Variants in POR observed in about 807,000 individuals in gnomAD.
The protein encoded by POR is cytochrome p450 oxidoreductase.
A neutral mutation model predicts 84.0 loss-of-function variants in POR; 56 were observed. The observed-to-expected ratio is 0.67, with a 90% confidence interval of 0.54 to 0.83. The LOEUF (loss-of-function observed/expected upper bound fraction) is 0.83, where lower values mean the gene tolerates loss of function less well. POR is among the 40% of genes least tolerant of loss of function. The pLI is 0.00. For synonymous variants in POR, 414 were observed against 400.5 expected (o/e 1.03, Z -0.40); for missense variants, 938 against 944.3 (o/e 0.99, Z 0.09).
intron 3 of POR, 116 bp from the exon 4 acceptor site, chr7:75,979,335 G>A: frequency 7.8e-7 from 1 of 1,276,972 alleles, no homozygotes; most frequent in Non-Finnish European, 1.1e-6. Flanking sequence ...CTCAAAGCCA[G>A]GAAGGAAAGG....
intron 4 of POR, 131 bp downstream of exon 4, chr7:75,979,710 C>T: frequency 7.5e-7 from 1 of 1,331,878 alleles, no homozygotes; most frequent in Non-Finnish European, 1.0e-6. Flanking sequence ...CGGAAGTTGC[C>T]TTCCCGTGAG....
Position 75,982,306 on chromosome 7 carries a change from T to C in POR, c.814T>C (p.Tyr272His). 6.2e-7 allele frequency: 1 copy of C among 1,611,904 alleles called. No homozygotes were observed. The highest frequency in any genetic ancestry group is 8.5e-7 in the Non-Finnish European group (1 of 1,179,178). ...GGGGGAGATGGGCCGGCTGAAGAGC[T>C]ACGAGAACCAGAAGCCGTGAGTGGA... The change falls in exon 8 of 16, where the codon TAC becomes CAC. Residue 272 changes from tyrosine to histidine, a missense_variant. Physicochemically the swap from Tyr to His is moderately conservative, Grantham distance 83. Transcript: ENST00000461988.
At chr7:75,923,481 T>A (rs1806971226) in intron 1 of POR, 1 of 511,530 alleles carries the variant, frequency 2.0e-6, no homozygotes, top group Admixed American at 3.3e-5. Flanking sequence ...TTTTTATCAA[T>A]GAACTGGAAG....
chr7:75,970,373 T>A (rs536795097), intron 2 of POR, among the ~76,000 whole-genome samples: 1 of 151,690 alleles, frequency 6.6e-6, no homozygotes, highest in South Asian at 2.1e-4. Flanking sequence ...TGAGCTATGA[T>A]CGCACCGCAC....
chr7:75,921,935 GGCCTTAAGTGGTCCACCCAGCTCA>G (rs1233407020), intron 1 of POR, among the ~76,000 whole-genome samples: 2 of 152,096 alleles, frequency 1.3e-5, no homozygotes, highest in Admixed American at 1.3e-4. Context: ...TCGAACTCCT[GGCCTTAAGTGGTCCACCCAGCTCA>G]GCCTCCCAAA....
At chr7:75,926,521 T>C (rs1807136330) in intron 1 of POR, among the ~76,000 whole-genome samples, 1 of 152,008 alleles carries the variant, frequency 6.6e-6, no homozygotes, top group South Asian at 2.1e-4. Flanking sequence ...GCTGGCCAGG[T>C]GTGGTGGCTC....
intron 1 of POR, among the ~76,000 whole-genome samples, chr7:75,920,209 G>T (rs1368834929): frequency 4.6e-5 from 7 of 151,854 alleles, no homozygotes; most frequent in Non-Finnish European, 7.4e-5. Context: ...GGGATTACAG[G>T]CGCGTGCCAT....
At chr7:75,923,810 C>T (rs1806985289) in intron 1 of POR, among the ~76,000 whole-genome samples, 1 of 151,950 alleles carries the variant, frequency 6.6e-6, no homozygotes, top group Admixed American at 6.6e-5. Context: ...ATCGCTTGAA[C>T]CCGGGAGGCG....
At chr7:75,952,288 T>C (rs1787470268) in intron 1 of POR, among the ~76,000 whole-genome samples, 5 of 129,710 alleles carry the variant, frequency 3.9e-5, no homozygotes. Context: ...GGCGGGGGGC[T>C]GACCCCCCCA....
intron 7 of POR, 27 bp from the exon 8 acceptor site, chr7:75,982,197 G>A (rs989034527): frequency 8.2e-6 from 13 of 1,583,296 alleles, no homozygotes; most frequent in Non-Finnish European, 1.1e-5. Context: ...CCGCTTCCCG[G>A]CCTCACCCTT....
Position 75,930,183 on chromosome 7 carries a change from C to T in POR, c.-5+15004C>T, listed in dbSNP as rs148670376. 8.5e-3 allele frequency among the ~76,000 whole-genome samples: 1,295 copies of T among 152,230 alleles called. 9 individuals are homozygous for T. The highest frequency in any genetic ancestry group is 0.027 in the South Asian group (132 of 4,824). On this transcript the variant is annotated intron_variant, in intron 1 of 15. Transcript: ENST00000461988. ...TGGCACGTAGTAGGTGTTGAGTGAA[C>T]GTTGGTTGCATTGCTTGGCTCCTCC...
At chr7:75,972,163 C>T (rs1259171159) in intron 2 of POR, among the ~76,000 whole-genome samples, 15 of 152,068 alleles carry the variant, frequency 9.9e-5, no homozygotes, top group Non-Finnish European at 2.2e-4. Flanking sequence ...GCACTGGTGT[C>T]GCAAGAGGCT....
intron 3 of POR, among the ~76,000 whole-genome samples, chr7:75,978,593 G>T (rs1488838508): frequency 6.6e-6 from 1 of 151,348 alleles, no homozygotes; most frequent in Non-Finnish European, 1.5e-5. Context: ...GCGCGATCTC[G>T]GCTCACCACA....
chr7:75,951,624 C>T (rs948813836), intron 1 of POR, among the ~76,000 whole-genome samples: 1 of 152,204 alleles, frequency 6.6e-6, no homozygotes, highest in East Asian at 1.9e-4. Context: ...CATCAGCAGT[C>T]AGCTAGAACA....
chr7:75,979,171 CTTT>C (rs1198153411), intron 3 of POR, among the ~76,000 whole-genome samples: 2 of 152,200 alleles, frequency 1.3e-5, no homozygotes, highest in African/African-American at 4.8e-5. Flanking sequence ...CATTTGGTTA[CTTT>C]TTTTAACTTT....
chr7:75,977,551 A>C (rs1416479361), intron 3 of POR, among the ~76,000 whole-genome samples: 4 of 152,208 alleles, frequency 2.6e-5, no homozygotes, highest in African/African-American at 7.2e-5. Context: ...CAAGGTGGGC[A>C]GATCACCTGA....
chr7:75,968,424 C>T (rs542214604), intron 2 of POR: 18 of 379,532 alleles, frequency 4.7e-5, no homozygotes, highest in South Asian at 7.6e-5. Context: ...AGGAAGGCCT[C>T]ATGCACCCTC....
intron 1 of POR, among the ~76,000 whole-genome samples, chr7:75,917,468 G>A (rs1806629997): frequency 6.7e-6 from 1 of 149,460 alleles, no homozygotes; most frequent in African/African-American, 2.5e-5. Flanking sequence ...CCCTACAAGA[G>A]CTTCGATGTC....
chr7:75,952,290 A>C (rs1243720117), intron 1 of POR, among the ~76,000 whole-genome samples: 1 of 88,632 alleles, frequency 1.1e-5, no homozygotes. Flanking sequence ...CGGGGGGCTG[A>C]CCCCCCCACC....
Sources: allele counts gnomAD v4.1 joint callset (sites outside exome capture counted in the v4.1 genomes callset), GRCh38; gene constraint gnomAD v4.1.1; transcripts MANE v1.5; gene names NCBI Gene and HGNC (gene_info 2026-07-23, HGNC 2026-07-21).